DNAJC5B: variants seen among roughly 807,000 people sequenced by gnomAD.
DNAJC5B encodes dnaJ homolog subfamily C member 5B.
DNAJC5B carries 23 observed loss-of-function variants against 24.7 expected under a neutral mutation model. The observed-to-expected ratio is 0.93, with a 90% CI of 0.67 to 1.32. The LOEUF is 1.32. Among genes scored for constraint, DNAJC5B ranks in the 40% most tolerant of loss-of-function variants. DNAJC5B has a pLI of 0.00. For synonymous variants in DNAJC5B, 101 were observed against 90.1 expected (o/e 1.12, Z -0.68); for missense variants, 238 against 240.8 (o/e 0.99, Z 0.08).
chr8:66,088,707 A>C (rs1235631536), intron 5 of DNAJC5B, among the ~76,000 whole-genome samples: 1 of 152,190 alleles, frequency 6.6e-6, no homozygotes, highest in African/African-American at 2.4e-5. Context: ...TCAAGGTTCC[A>C]TAGATCTCTA....
chr8:66,015,538 A>G, the DNAJC5B span, among the ~76,000 whole-genome samples: 1 of 137,970 alleles, frequency 7.2e-6, no homozygotes, highest in Admixed American at 7.0e-5. Context: ...TTATGCTGAG[A>G]AGGGAGAGCG....
intron 1 of DNAJC5B, among the ~76,000 whole-genome samples, chr8:66,036,531 T>C (rs909991035): frequency 3.9e-5 from 6 of 152,132 alleles, no homozygotes; most frequent in African/African-American, 1.4e-4. Context: ...CACCCGGATA[T>C]TTCCAGGAGT....
chr8:66,075,683 A>T (rs949046083), intron 3 of DNAJC5B, among the ~76,000 whole-genome samples: 11 of 152,242 alleles, frequency 7.2e-5, no homozygotes, highest in Admixed American at 7.2e-4. Context: ...ATTAGAATGG[A>T]TTATACATCA....
At chr8:66,079,791 G>A (rs1050216270) in intron 4 of DNAJC5B, among the ~76,000 whole-genome samples, 1 of 152,292 alleles carries the variant, frequency 6.6e-6, no homozygotes, top group South Asian at 2.1e-4. Context: ...GGCCAGTTGC[G>A]AGGCTGCTGA....
intron 4 of DNAJC5B, among the ~76,000 whole-genome samples, chr8:66,077,292 T>A (rs1807488667): frequency 6.6e-6 from 1 of 152,068 alleles, no homozygotes; most frequent in Non-Finnish European, 1.5e-5. Context: ...TGAGTGGTAA[T>A]TATGTCAGAG....
chr8:66,035,056 G>A (rs778271236), intron 1 of DNAJC5B, among the ~76,000 whole-genome samples: 7 of 152,190 alleles, frequency 4.6e-5, no homozygotes, highest in South Asian at 2.1e-4. Context: ...GGCATGGTTA[G>A]TATCAATGAA....
At chr8:66,043,889 C>T (rs1806670326) in intron 2 of DNAJC5B, among the ~76,000 whole-genome samples, 1 of 150,494 alleles carries the variant, frequency 6.6e-6, no homozygotes, top group African/African-American at 2.5e-5. Context: ...TACAGTGGCG[C>T]CATCTCGGAT....
chr8:66,068,758 G>C (rs1259790722), intron 3 of DNAJC5B, among the ~76,000 whole-genome samples: 1 of 151,952 alleles, frequency 6.6e-6, no homozygotes, highest in Admixed American at 6.6e-5. Flanking sequence ...GTAAAATAAA[G>C]ACAAAGAACT....
At chr8:66,085,645 T>C (rs1398978775) in intron 5 of DNAJC5B, among the ~76,000 whole-genome samples, 2 of 152,114 alleles carry the variant, frequency 1.3e-5, no homozygotes, top group African/African-American at 4.8e-5. Flanking sequence ...GTCTGTCCCA[T>C]TGATCTATGT....
intron 4 of DNAJC5B, among the ~76,000 whole-genome samples, chr8:66,079,773 G>A (rs1469221598): frequency 6.6e-6 from 1 of 152,208 alleles, no homozygotes; most frequent in Non-Finnish European, 1.5e-5. Context: ...CCAGAGGGGA[G>A]GCAGGGAGGC....
the DNAJC5B span, among the ~76,000 whole-genome samples, chr8:66,015,103 T>C: frequency 6.6e-6 from 1 of 152,324 alleles, no homozygotes; most frequent in African/African-American, 2.4e-5. Context: ...CTGGAGGGAT[T>C]CTGAGTCCAT....
At chr8:66,086,128 C>T (rs1261029382) in intron 5 of DNAJC5B, among the ~76,000 whole-genome samples, 3 of 152,032 alleles carry the variant, frequency 2.0e-5, no homozygotes, top group Admixed American at 6.6e-5. Context: ...TTTTATATTG[C>T]CTTTGTATCC....
chr8:66,023,676 G>A (rs1806190982), intron 1 of DNAJC5B, among the ~76,000 whole-genome samples: 1 of 152,124 alleles, frequency 6.6e-6, no homozygotes, highest in African/African-American at 2.4e-5. Context: ...TTATCTGGCA[G>A]GTGTGGGGCT....
chr8:66,072,759 T>G (rs758644206), intron 3 of DNAJC5B, among the ~76,000 whole-genome samples: 1 of 151,934 alleles, frequency 6.6e-6, no homozygotes, highest in African/African-American at 2.4e-5. Context: ...ATTTATAGAG[T>G]TTAATGCACA....
intron 3 of DNAJC5B, among the ~76,000 whole-genome samples, chr8:66,075,526 T>TA (rs977595028): frequency 5.9e-5 from 9 of 152,136 alleles, no homozygotes; most frequent in African/African-American, 1.7e-4. Context: ...ATTCTGCATG[T>TA]AAAAAAACAT....
Position 66,078,863 on chromosome 8 carries a change from G to A in DNAJC5B, c.334-1514G>A, listed in dbSNP as rs192152341. 3.8e-4 allele frequency among the ~76,000 whole-genome samples: 58 copies of A among 152,320 alleles called. 1 individual carries two copies. Among genetic ancestry groups the A allele is most frequent in the Admixed American group, 3.3e-3 (51 of 15,306 alleles). On this transcript the variant is annotated intron_variant, in intron 4 of 5. Coordinates refer to ENST00000276570, the MANE Select transcript of DNAJC5B (RefSeq NM_033105.6). ...GATGAAGCCCAGGTCTATGAAGCAGGAGTGGGGCAGGTGAGGGCTGTCAAC... is the reference window on the plus strand; with the variant it reads ...GATGAAGCCCAGGTCTATGAAGCAGAAGTGGGGCAGGTGAGGGCTGTCAAC...
chr8:66,072,173 G>A (rs578078852), intron 3 of DNAJC5B, among the ~76,000 whole-genome samples: 3 of 152,132 alleles, frequency 2.0e-5, no homozygotes, highest in Admixed American at 1.3e-4. Flanking sequence ...TGTTCTGCAC[G>A]TGTACCCCAG....
intron 1 of DNAJC5B, among the ~76,000 whole-genome samples, chr8:66,036,330 G>A (rs967036354): frequency 6.6e-6 from 1 of 152,176 alleles, no homozygotes; most frequent in Non-Finnish European, 1.5e-5. Context: ...GCTGAACAGC[G>A]AATGGAGTGG....
At chr8:66,083,010 T>TC (rs1807634035) in intron 5 of DNAJC5B, among the ~76,000 whole-genome samples, 2 of 137,530 alleles carry the variant, frequency 1.5e-5, no homozygotes, top group African/African-American at 5.5e-5. Context: ...TTTCTTTTTT[T>TC]TTTTTTTTTT....
Sources: gnomAD v4.1 joint callset for allele counts (sites outside exome capture counted in the v4.1 genomes callset) on GRCh38, gnomAD v4.1.1 for gene constraint, MANE v1.5 for transcripts, NCBI Gene and HGNC (gene_info 2026-07-23, HGNC 2026-07-21) for gene names.